The following CSNK1G2 variants were observed in gnomAD, a reference collection of about 807,000 sequenced individuals.
CSNK1G2 encodes casein kinase I isoform gamma-2.
In CSNK1G2, 11 loss-of-function variants were observed where a neutral mutation model predicts 48.0. The observed-to-expected ratio is 0.23, with a 90% CI of 0.14 to 0.38. The LOEUF is 0.38. Among genes scored for constraint, CSNK1G2 ranks in the 10% least tolerant of loss-of-function variants. CSNK1G2 has a pLI of 1.00. For missense variants in CSNK1G2, 446 were observed against 595.5 expected (o/e 0.75, Z 2.61); for synonymous variants, 337 against 254.1 (o/e 1.33, Z -3.10).
Position 1,979,055 on chromosome 19 carries a change from C to T in CSNK1G2, c.644C>T (p.Thr215Met), listed in dbSNP as rs1339770668. The T allele has an allele frequency of 1.3e-6, 2 of 1,597,644 alleles. No individual in the cohort carries two copies. The highest frequency in any genetic ancestry group is 1.7e-6 in the Non-Finnish European group (2 of 1,178,966). ...PYREHKSLTG[T>M]ARYMSINTHL... The stretch of plus-strand genomic sequence containing the variant: ...CGCGAGCACAAGAGCCTGACGGGCA[C>T]GGCGCGCTACATGAGCATCAACACG... Residue 215 changes from threonine to methionine, a missense_variant, in exon 6 of 12, where the codon ACG becomes ATG. Coordinates refer to ENST00000255641, the MANE Select transcript of CSNK1G2 (RefSeq NM_001319.7).
intron 1 of CSNK1G2, among the ~76,000 whole-genome samples, chr19:1,950,146 A>T (rs1161872523): frequency 6.6e-6 from 1 of 151,324 alleles, no homozygotes; most frequent in African/African-American, 2.4e-5. Context: ...ATTTATTTAT[A>T]TATTTATTTA....
At chr19:1,967,881 CG>C (rs745418023) in intron 1 of CSNK1G2, among the ~76,000 whole-genome samples, 64 of 24,560 alleles carry the variant, frequency 2.6e-3, no homozygotes, top group Non-Finnish European at 3.9e-3. Context: ...AGGCTGCCCC[CG>C]ACCACCCTTC....
rs766074610 is a variant in CSNK1G2, at chr19:1,978,457, C to T, written c.244C>T (p.Arg82Trp). The T allele has an allele frequency of 3.1e-6, 5 of 1,608,158 alleles. No homozygotes were observed. The highest frequency in any genetic ancestry group is 2.7e-5 in the African/African-American group (2 of 74,812). ...GTGCCCCCAGGAGCCGATCAAGTCCCGGGCCCCGCAGCTGCACCTGGAGTA... is the reference window on the plus strand; with the variant it reads ...GTGCCCCCAGGAGCCGATCAAGTCCTGGGCCCCGCAGCTGCACCTGGAGTA... ...VAIKLEPIKS[R>W]APQLHLEYRF... The change falls in exon 4 of 12, where the codon CGG becomes TGG. Residue 82 changes from arginine to tryptophan, a missense_variant. Coordinates refer to ENST00000255641, the MANE Select transcript of CSNK1G2 (RefSeq NM_001319.7). The surrounding 1 kb of genome is among the most constrained non-coding windows in gnomAD (Gnocchi z 7.3).
intron 1 of CSNK1G2, among the ~76,000 whole-genome samples, chr19:1,958,602 C>T (rs1223377705): frequency 8.3e-6 from 1 of 120,298 alleles, no homozygotes; most frequent in Non-Finnish European, 1.8e-5. Context: ...CCCCCTGTCC[C>T]CCCGTCCCCC....
rs1462957509 is a variant in CSNK1G2, at chr19:1,941,270, GCGGCGCGGGAGC to G, written c.-410_-399del. 2.2e-4 allele frequency: 29 copies of G among 132,676 alleles called. 1 individual carries two copies. Among genetic ancestry groups the G allele is most frequent in the African/African-American group, 8.0e-4 (29 of 36,136 alleles). 8.2% of individuals were successfully genotyped at this position (132,676 alleles called of 1,614,324 possible). On this transcript the variant is annotated 5_prime_UTR_variant, in exon 1 of 12. Transcript: ENST00000255641. The stretch of plus-strand genomic sequence containing the variant: ...CCCGAACATGCGGAGGCCGGCCCAG[GCGGCGCGGGAGC>G]CGGAGCGGGGGCCCAAGCGGCACCG...
chr19:1,960,164 T>G lies in CSNK1G2; in HGVS notation c.-265-9344T>G, dbSNP rs534274107. 5.3e-5 allele frequency among the ~76,000 whole-genome samples: 8 copies of G among 152,214 alleles called. 1 individual carries two copies. Among genetic ancestry groups the G allele is most frequent in the Admixed American group, 5.2e-4 (8 of 15,300 alleles). On this transcript the variant is annotated intron_variant, in intron 1 of 11. Transcript: ENST00000255641. ...GAATGTCTGCGTCAGCACAGGGGCG[T>G]GTAGGAAGAAAAGGCGTCCTGCTTA...
intron 1 of CSNK1G2, among the ~76,000 whole-genome samples, chr19:1,942,012 C>T (rs977221844): frequency 2.6e-5 from 4 of 152,080 alleles, no homozygotes; most frequent in Non-Finnish European, 1.5e-5. Flanking sequence ...AGCTGTGTCC[C>T]CGTCCTCACT....
At chr19:1,974,541 C>T (rs2015686611) in intron 2 of CSNK1G2, 1 of 152,318 alleles carries the variant, frequency 6.6e-6, no homozygotes, top group African/African-American at 2.4e-5. Context: ...GCTGCTTCTT[C>T]CTCCCTTGTC....
chr19:1,952,642 C>T (rs2014810377), intron 1 of CSNK1G2: 1 of 164,152 alleles, frequency 6.1e-6, no homozygotes, highest in Non-Finnish European at 1.3e-5. Context: ...AAACCCGATC[C>T]TTGAAGGCCC....
At chr19:1,975,470 G>A (rs1021289288) in intron 2 of CSNK1G2, 133 of 985,476 alleles carry the variant, frequency 1.3e-4, no homozygotes, top group South Asian at 8.5e-4. Flanking sequence ...ACGGGAGGGC[G>A]TGCCTCAAGG....
chr19:1,968,355 GCTCCTCC>G (rs1296546443), intron 1 of CSNK1G2, among the ~76,000 whole-genome samples: 4 of 149,926 alleles, frequency 2.7e-5, no homozygotes, highest in East Asian at 4.0e-4. Context: ...TGCAGGTGGG[GCTCCTCC>G]CTCCTCCCTC....
chr19:1,948,825 A>G lies in CSNK1G2; in HGVS notation c.-266+7407A>G, dbSNP rs576280385. Among the ~76,000 whole-genome samples the G allele has an allele frequency of 3.0e-3, 464 of 152,332 alleles. 4 individuals carry two copies. Among genetic ancestry groups the G allele is most frequent in the African/African-American group, 0.01 (436 of 41,566 alleles). On this transcript the variant is annotated intron_variant, in intron 1 of 11. Transcript: ENST00000255641. ...CCTGCTGGTGACCAGAGGCCTCGGGAGGACACGTGGTCCGCGCACACATAC... is the reference window on the plus strand; with the variant it reads ...CCTGCTGGTGACCAGAGGCCTCGGGGGGACACGTGGTCCGCGCACACATAC...
chr19:1,946,289 T>TA (rs56098852), intron 1 of CSNK1G2, among the ~76,000 whole-genome samples: 20,115 of 143,736 alleles, frequency 0.14, 1,727 homozygotes, highest in East Asian at 0.23. Context: ...TTTATTTATT[T>TA]TTTATTTATT....
chr19:1,973,867 A>G (rs2015660624), intron 2 of CSNK1G2, among the ~76,000 whole-genome samples: 1 of 151,996 alleles, frequency 6.6e-6, no homozygotes, highest in South Asian at 2.1e-4. Context: ...AATGCCACAG[A>G]CTGGGTCATT....
At chr19:1,945,237 A>C (rs2014512007) in intron 1 of CSNK1G2, among the ~76,000 whole-genome samples, 4 of 152,196 alleles carry the variant, frequency 2.6e-5, no homozygotes, top group Admixed American at 2.0e-4. Flanking sequence ...TCCTGGGCCC[A>C]CAGGGGAGCC....
intron 1 of CSNK1G2, among the ~76,000 whole-genome samples, chr19:1,942,187 C>T (rs539873261): frequency 3.9e-4 from 59 of 152,280 alleles, no homozygotes; most frequent in Non-Finnish European, 7.2e-4. Context: ...CGGAAACGCA[C>T]GGATCAGGGA....
chr19:1,944,285 C>A (rs567059413), intron 1 of CSNK1G2, among the ~76,000 whole-genome samples: 1 of 152,116 alleles, frequency 6.6e-6, no homozygotes, highest in Admixed American at 6.5e-5. Flanking sequence ...TGTGCAAGGC[C>A]GTCTGAGTGA....
intron 1 of CSNK1G2, among the ~76,000 whole-genome samples, chr19:1,950,157 T>C (rs1454075396): frequency 6.6e-6 from 1 of 151,926 alleles, no homozygotes; most frequent in Non-Finnish European, 1.5e-5. Flanking sequence ...TATTTATTTA[T>C]GAGACGGAGT....
Position 1,957,395 on chromosome 19 carries a change from T to G in CSNK1G2, c.-265-12113T>G, listed in dbSNP as rs1033904095. On this transcript the variant is annotated intron_variant, in intron 1 of 11. Transcript: ENST00000255641. The surrounding 1 kb of genome is among the most constrained non-coding windows in gnomAD (Gnocchi z 5.4). ...AGATGTCCCGGGATGCACCAGGCGCTCGTGCAAACCAAGTGCTGAGCAGAG... is the reference window on the plus strand; with the variant it reads ...AGATGTCCCGGGATGCACCAGGCGCGCGTGCAAACCAAGTGCTGAGCAGAG... Among the ~76,000 whole-genome samples, 4 of 152,122 alleles carry G rather than the reference T, an allele frequency of 2.6e-5. No homozygotes were observed. The highest frequency in any genetic ancestry group is 4.4e-5 in the Non-Finnish European group (3 of 68,020).
Sources: allele counts gnomAD v4.1 joint callset (sites outside exome capture counted in the v4.1 genomes callset), GRCh38; gene constraint gnomAD v4.1.1; non-coding constraint Gnocchi (gnomAD v3.1); transcripts MANE v1.5; gene names NCBI Gene and HGNC (gene_info 2026-07-23, HGNC 2026-07-21).